CDK14: variants seen among roughly 807,000 people sequenced by gnomAD.
CDK14 encodes the protein cyclin-dependent kinase 14.
A neutral mutation model predicts 60.7 loss-of-function variants in CDK14; 34 were observed. The observed-to-expected ratio is 0.56, with a 90% CI of 0.43 to 0.75. CDK14 has a LOEUF of 0.75. Among genes scored for constraint, CDK14 ranks in the 30% least tolerant of loss-of-function variants. CDK14 has a pLI of 0.00. For missense variants in CDK14, 482 were observed against 564.1 expected (o/e 0.85, Z 1.47); for synonymous variants, 197 against 203.7 (o/e 0.97, Z 0.28).
intron 14 of CDK14, among the ~76,000 whole-genome samples, chr7:91,197,573 G>T (rs1327619173): frequency 6.6e-6 from 1 of 152,052 alleles, no homozygotes; most frequent in African/African-American, 2.4e-5. Flanking sequence ...ATGACTAAAA[G>T]GATTAGAACT....
At chr7:91,130,489 A>G (rs1042190491) in intron 14 of CDK14, among the ~76,000 whole-genome samples, 3 of 152,168 alleles carry the variant, frequency 2.0e-5, no homozygotes, top group African/African-American at 7.2e-5. Flanking sequence ...AAAGTATGAG[A>G]AACACTGCTC....
At chr7:90,867,808 T>G (rs180956614) in intron 6 of CDK14, among the ~76,000 whole-genome samples, 63 of 152,240 alleles carry the variant, frequency 4.1e-4, no homozygotes, top group South Asian at 6.2e-4. Flanking sequence ...TAGATTTTTA[T>G]GTTAAGCATT....
intron 5 of CDK14, among the ~76,000 whole-genome samples, chr7:90,802,789 G>A (rs916130575): frequency 6.6e-6 from 1 of 152,092 alleles, no homozygotes; most frequent in Non-Finnish European, 1.5e-5. Context: ...ACATTAACAG[G>A]TATTAAACTT....
intron 10 of CDK14, among the ~76,000 whole-genome samples, chr7:90,985,124 T>C (rs894219861): frequency 1.3e-5 from 2 of 152,230 alleles, no homozygotes; most frequent in African/African-American, 4.8e-5. Context: ...ATACATGAGC[T>C]CTCTGTATTA....
At chr7:91,136,835 G>A (rs1232882594) in intron 14 of CDK14, among the ~76,000 whole-genome samples, 1 of 152,036 alleles carries the variant, frequency 6.6e-6, no homozygotes, top group Non-Finnish European at 1.5e-5. Flanking sequence ...ATCTGTTTAA[G>A]GGTCTAAAAG....
At chr7:90,773,910 T>C (rs1804905547) in intron 4 of CDK14, among the ~76,000 whole-genome samples, 1 of 142,922 alleles carries the variant, frequency 7.0e-6, no homozygotes, top group Admixed American at 7.2e-5. Flanking sequence ...TTTCTTTTTT[T>C]TTTTTTTTTT....
At chr7:91,182,204 A>G (rs1042859537) in intron 14 of CDK14, among the ~76,000 whole-genome samples, 3 of 151,932 alleles carry the variant, frequency 2.0e-5, no homozygotes, top group Admixed American at 6.6e-5. Context: ...ATGGGTTCAG[A>G]TTTTTTCTTC....
chr7:91,090,018 CT>C (rs1002014004), intron 12 of CDK14, among the ~76,000 whole-genome samples: 1 of 152,138 alleles, frequency 6.6e-6, no homozygotes, highest in African/African-American at 2.4e-5. Flanking sequence ...TTGCTTTTAG[CT>C]TGTGACTGCC....
rs559803793 is a variant in CDK14, at chr7:90,721,021, C to T, written c.124-5546C>T. 5.9e-5 allele frequency among the ~76,000 whole-genome samples: 9 copies of T among 152,252 alleles called. No homozygotes were observed. The South Asian group carries it at 8.3e-4, about 14-fold the overall frequency. ...TTTAACTTCTTTAAAAAAATGCTTT[C>T]CACACTGGTTCACATAGGTTTTCTT... is the stretch of plus-strand genomic sequence containing the variant. On this transcript the variant is annotated intron_variant, in intron 2 of 14. Transcript: ENST00000380050.
At chr7:91,018,475 C>A (rs1796356143) in intron 10 of CDK14, among the ~76,000 whole-genome samples, 1 of 152,082 alleles carries the variant, frequency 6.6e-6, no homozygotes, top group East Asian at 1.9e-4. Context: ...TAAAAAATAT[C>A]TTCTTGCAGA....
chr7:90,696,582 C>A (rs1801664475), intron 2 of CDK14, among the ~76,000 whole-genome samples: 1 of 151,902 alleles, frequency 6.6e-6, no homozygotes, highest in South Asian at 2.1e-4. Flanking sequence ...TTTTGTACAG[C>A]TTAAGTTTAA....
At chr7:90,600,025 T>C (rs943568437) in intron 1 of CDK14, among the ~76,000 whole-genome samples, 1 of 152,218 alleles carries the variant, frequency 6.6e-6, no homozygotes, top group Non-Finnish European at 1.5e-5. Flanking sequence ...GAGATTACTA[T>C]ATTATAAAAC....
chr7:90,968,204 G>GT (rs1794814843), intron 9 of CDK14, among the ~76,000 whole-genome samples: 1 of 152,056 alleles, frequency 6.6e-6, no homozygotes, highest in African/African-American at 2.4e-5. Flanking sequence ...ATGTTTGTGG[G>GT]TTTTTAAAAA....
At chr7:90,704,365 C>G (rs1305805086) in intron 2 of CDK14, among the ~76,000 whole-genome samples, 1 of 152,160 alleles carries the variant, frequency 6.6e-6, no homozygotes, top group Non-Finnish European at 1.5e-5. Context: ...CAGGATTTAT[C>G]TTTAGCCAAG....
chr7:91,076,641 T>G (rs1353237567), intron 11 of CDK14, among the ~76,000 whole-genome samples: 2 of 152,106 alleles, frequency 1.3e-5, no homozygotes, highest in East Asian at 3.8e-4. Flanking sequence ...AAAGCTAAAA[T>G]TGACAAATGG....
chr7:90,866,548 A>G (rs1043763103), intron 6 of CDK14, among the ~76,000 whole-genome samples: 3 of 152,030 alleles, frequency 2.0e-5, no homozygotes, highest in African/African-American at 4.8e-5. Context: ...ATACTATTGT[A>G]TTTTTCCTTT....
In CDK14 at chr7:90,851,198, G is replaced by T. The variant is rs1002095688; in HGVS notation, c.545-11977G>T. Among the ~76,000 whole-genome samples, 27 of 152,276 alleles carry T rather than the reference G, an allele frequency of 1.8e-4. 1 individual carries two copies. Among genetic ancestry groups the T allele is most frequent in the African/African-American group, 6.5e-4 (27 of 41,554 alleles). ...CTTTTATATTTTATTGTCCTCAATG[G>T]TCAAATAAAGGGTTGGATTGGTGTG... is the stretch of plus-strand genomic sequence containing the variant. On this transcript the variant is annotated intron_variant, in intron 5 of 14. Coordinates refer to ENST00000380050, the MANE Select transcript of CDK14 (RefSeq NM_001287135.2).
intron 14 of CDK14, among the ~76,000 whole-genome samples, chr7:91,199,183 A>G (rs1231323224): frequency 2.0e-5 from 3 of 152,222 alleles, no homozygotes; most frequent in East Asian, 1.9e-4. Flanking sequence ...TGAAAAGAAT[A>G]TGCCACCTTT....
At chr7:90,704,853 A>G (rs1021387464) in intron 2 of CDK14, among the ~76,000 whole-genome samples, 41 of 152,160 alleles carry the variant, frequency 2.7e-4, no homozygotes, top group Non-Finnish European at 2.4e-4. Context: ...CATTTCTTCA[A>G]ATATATGAGA....
Sources: allele counts gnomAD v4.1 joint callset (sites outside exome capture counted in the v4.1 genomes callset), GRCh38; gene constraint gnomAD v4.1.1; transcripts MANE v1.5; gene names NCBI Gene and HGNC (gene_info 2026-07-23, HGNC 2026-07-21).